The following NFIA variants were observed in gnomAD, a reference collection of about 807,000 sequenced individuals.
NFIA encodes nuclear factor I A.
In NFIA, 8 loss-of-function variants were observed where a neutral mutation model predicts 62.8. The ratio of observed to expected loss-of-function variants is 0.13; its 90% CI spans 0.07 to 0.23. The LOEUF is 0.23. NFIA is among the 10% of genes least tolerant of loss of function. The probability of loss-of-function intolerance (pLI) is 1.00; values close to 1 mark genes in which losing one functional copy is unlikely to be tolerated. For synonymous variants in NFIA, 235 were observed against 238.1 expected (o/e 0.99, Z 0.12); for missense variants, 410 against 642.1 (o/e 0.64, Z 3.91).
chr1:61,151,958 C>T (rs1357979746), intron 2 of NFIA, among the ~76,000 whole-genome samples: 1 of 152,192 alleles, frequency 6.6e-6, no homozygotes, highest in Admixed American at 6.5e-5. Flanking sequence ...CACTTAAGAA[C>T]ACTGAATTCA....
At chr1:61,145,284 AT>A (rs1209340382) in intron 2 of NFIA, among the ~76,000 whole-genome samples, 4 of 152,160 alleles carry the variant, frequency 2.6e-5, no homozygotes, top group African/African-American at 4.8e-5. Context: ...TCTTTCTGAA[AT>A]TTTTGTTTTT....
At chr1:61,353,474 G>A (rs940586193) in intron 5 of NFIA, among the ~76,000 whole-genome samples, 2 of 152,160 alleles carry the variant, frequency 1.3e-5, no homozygotes, top group Non-Finnish European at 2.9e-5. Flanking sequence ...ATTGGCTTTA[G>A]CACTGGACTG....
At chr1:61,092,248 A>G (rs1451070659) in intron 2 of NFIA, among the ~76,000 whole-genome samples, 1 of 152,190 alleles carries the variant, frequency 6.6e-6, no homozygotes, top group African/African-American at 2.4e-5. Context: ...CAGTCTTAAA[A>G]TTCAGTTTGA....
chr1:61,226,007 C>G (rs566000419), intron 2 of NFIA, among the ~76,000 whole-genome samples: 1 of 152,258 alleles, frequency 6.6e-6, no homozygotes, highest in South Asian at 2.1e-4. Flanking sequence ...ATCTAATTCA[C>G]TAATGTATCA....
chr1:61,411,624 C>T (rs184081013), intron 9 of NFIA, among the ~76,000 whole-genome samples: 15 of 151,848 alleles, frequency 9.9e-5, no homozygotes, highest in Admixed American at 4.6e-4. Context: ...AACTTTGATT[C>T]TAGAGAGGGA....
intron 10 of NFIA, among the ~76,000 whole-genome samples, chr1:61,448,630 T>A (rs1007990410): frequency 1.3e-5 from 2 of 152,246 alleles, no homozygotes; most frequent in African/African-American, 2.4e-5. Context: ...TAAGATTATC[T>A]AACTAGTTCA....
intron 2 of NFIA, among the ~76,000 whole-genome samples, chr1:61,186,793 T>G (rs1281635085): frequency 2.6e-5 from 4 of 152,250 alleles, no homozygotes; most frequent in Non-Finnish European, 5.9e-5. Flanking sequence ...ATTTAATCCT[T>G]ACAGCAACCT....
chr1:61,088,897 G>A lies in NFIA; in HGVS notation c.559+217G>A, dbSNP rs1646267328. Among the ~76,000 whole-genome samples, 1 of 152,202 alleles carries A rather than the reference G, an allele frequency of 6.6e-6. No homozygotes were observed. Among genetic ancestry groups the A allele is most frequent in the Admixed American group, 6.5e-5 (1 of 15,280 alleles). Reference sequence around the variant, plus strand: ...CTAAGTTCAGCTCTTTTGGTAAGTAGTGTTTTCAGAGGCGTTGGTAATCAG... The same window carrying A: ...CTAAGTTCAGCTCTTTTGGTAAGTAATGTTTTCAGAGGCGTTGGTAATCAG... On this transcript the variant is annotated intron_variant, in intron 2 of 10. Coordinates refer to ENST00000403491, the MANE Select transcript of NFIA (RefSeq NM_001134673.4). This position sits in a 1 kb window ranked among gnomAD's most constrained non-coding sequence, Gnocchi z 4.5.
intron 2 of NFIA, among the ~76,000 whole-genome samples, chr1:61,254,827 G>A (rs1448457559): frequency 6.6e-6 from 1 of 152,174 alleles, no homozygotes; most frequent in African/African-American, 2.4e-5. Context: ...ATTAGTAGTA[G>A]AATTTTAGTG....
At chr1:61,410,893 C>T (rs536601123) in intron 9 of NFIA, among the ~76,000 whole-genome samples, 9 of 151,994 alleles carry the variant, frequency 5.9e-5, no homozygotes, top group East Asian at 5.8e-4. Flanking sequence ...GGTGACAGAG[C>T]GAGACCCTGT....
At chr1:61,281,909 G>A (rs1172906552) in intron 3 of NFIA, among the ~76,000 whole-genome samples, 1 of 152,134 alleles carries the variant, frequency 6.6e-6, no homozygotes, top group African/African-American at 2.4e-5. Context: ...TTAATAAGTA[G>A]ATGAATATAT....
chr1:61,243,847 G>A (rs1445858315), intron 2 of NFIA, among the ~76,000 whole-genome samples: 1 of 152,136 alleles, frequency 6.6e-6, no homozygotes, highest in Non-Finnish European at 1.5e-5. Flanking sequence ...AGTATTTTGA[G>A]AGAAACTTTA....
intron 2 of NFIA, among the ~76,000 whole-genome samples, chr1:61,091,719 C>T (rs1263966343): frequency 3.3e-5 from 5 of 152,202 alleles, no homozygotes; most frequent in Admixed American, 6.5e-5. Context: ...ACAATATACC[C>T]GGCACGTGGC....
intron 2 of NFIA, among the ~76,000 whole-genome samples, chr1:61,220,128 T>A (rs333136): frequency 0.068 from 10,329 of 152,290 alleles, 470 homozygotes; most frequent in East Asian, 0.19. Flanking sequence ...AGTGAAGAAC[T>A]CCTTGGGTCT....
At chr1:61,162,839 C>A (rs1265605982) in intron 2 of NFIA, among the ~76,000 whole-genome samples, 1 of 144,820 alleles carries the variant, frequency 6.9e-6, no homozygotes, top group African/African-American at 2.6e-5. Context: ...TTTTGCATGT[C>A]TAGTGTTTGC....
chr1:61,270,663 A>C (rs1308446803), intron 2 of NFIA, among the ~76,000 whole-genome samples: 1 of 152,158 alleles, frequency 6.6e-6, no homozygotes, highest in Non-Finnish European at 1.5e-5. Flanking sequence ...CTGTTGAAGA[A>C]CTCCAAGAAC....
upstream of NFIA, chr1:61,082,428 G>C (rs1234878670): frequency 9.9e-7 from 1 of 1,007,114 alleles, no homozygotes; most frequent in African/African-American, 1.8e-5. Context: ...GGTGCAGAGC[G>C]GAGGCGGAGG....
chr1:61,284,642 C>T (rs1409072872), intron 3 of NFIA, among the ~76,000 whole-genome samples: 1 of 152,190 alleles, frequency 6.6e-6, no homozygotes, highest in Non-Finnish European at 1.5e-5. Flanking sequence ...ATTTTATTGT[C>T]TTCACACAGA....
intron 4 of NFIA, among the ~76,000 whole-genome samples, chr1:61,341,144 A>G (rs1661883796): frequency 6.8e-6 from 1 of 147,622 alleles, no homozygotes; most frequent in African/African-American, 2.5e-5. Flanking sequence ...GCTCACTGCA[A>G]GCTCCACCTT....
Sources: allele counts gnomAD v4.1 joint callset (sites outside exome capture counted in the v4.1 genomes callset), GRCh38; gene constraint gnomAD v4.1.1; non-coding constraint Gnocchi (gnomAD v3.1); transcripts MANE v1.5; gene names NCBI Gene and HGNC (gene_info 2026-07-23, HGNC 2026-07-21).